LRCH1: variants seen among roughly 807,000 people sequenced by gnomAD.
LRCH1 encodes the protein leucine-rich repeat and calponin homology domain-containing protein 1.
LRCH1 carries 23 observed loss-of-function variants against 94.9 expected under a neutral mutation model. That is an observed-to-expected ratio of 0.24 (90% CI 0.17 to 0.34). The LOEUF (loss-of-function observed/expected upper bound fraction) is 0.34. LRCH1 is among the 10% of genes least tolerant of loss of function. The pLI is 1.00. For missense variants in LRCH1, 790 were observed against 945.9 expected (o/e 0.84, Z 2.16); for synonymous variants, 364 against 354.9 (o/e 1.03, Z -0.29).
At chr13:46,672,742 G>T (rs561557775) in intron 3 of LRCH1, among the ~76,000 whole-genome samples, 1 of 152,324 alleles carries the variant, frequency 6.6e-6, no homozygotes, top group South Asian at 2.1e-4. Flanking sequence ...TCTTCACCTG[G>T]TTCTTGTGTC....
chr13:46,687,869 A>G lies in LRCH1; in HGVS notation c.840A>G (p.Lys280=). 1 of 1,611,776 alleles carries G rather than the reference A, an allele frequency of 6.2e-7. No individual in the cohort carries two copies. The highest frequency in any genetic ancestry group is 8.5e-7 in the Non-Finnish European group (1 of 1,178,958). Residue 280 remains lysine, a synonymous_variant, in exon 6 of 20, where the codon AAA becomes AAG. Coordinates refer to ENST00000389797, the MANE Select transcript of LRCH1 (RefSeq NM_001164211.2). ...SPPAQICTKG[K]VHIFKYLSIQ... Reference sequence around the variant, plus strand: ...CTTTGTAGATTTGCACAAAGGGCAAAGTTCACATATTTAAGTATCTGAGCA... The same window carrying G: ...CTTTGTAGATTTGCACAAAGGGCAAGGTTCACATATTTAAGTATCTGAGCA...
At chr13:46,582,031 T>G (rs1458462839) in intron 1 of LRCH1, among the ~76,000 whole-genome samples, 1 of 151,512 alleles carries the variant, frequency 6.6e-6, no homozygotes, top group South Asian at 2.1e-4. Flanking sequence ...GTGCCTGTAG[T>G]CCCAGCTACT....
At chr13:46,698,394 T>G (rs576728388) in intron 9 of LRCH1, among the ~76,000 whole-genome samples, 23 of 152,352 alleles carry the variant, frequency 1.5e-4, no homozygotes, top group African/African-American at 5.5e-4. Context: ...TGTGGAAGGC[T>G]CATGGTGGTA....
chr13:46,710,962 A>T (rs545254110), intron 13 of LRCH1, among the ~76,000 whole-genome samples: 19 of 151,728 alleles, frequency 1.3e-4, no homozygotes, highest in African/African-American at 4.3e-4. Context: ...ACTGTCCCTC[A>T]ATTTCTTCAC....
chr13:46,718,019 G>A (rs1288958920), intron 16 of LRCH1, among the ~76,000 whole-genome samples: 2 of 152,170 alleles, frequency 1.3e-5, no homozygotes, highest in Non-Finnish European at 2.9e-5. Flanking sequence ...CCCTGGAGCT[G>A]GATGGGACAG....
intron 2 of LRCH1, among the ~76,000 whole-genome samples, chr13:46,668,717 A>C: frequency 1.8e-5 from 1 of 57,092 alleles, no homozygotes; most frequent in Non-Finnish European, 3.4e-5. Context: ...TCAGCTTCTA[A>C]GTGGCGGTGG....
At chr13:46,567,492 T>TGTGTGTGTGTG (rs2050196708) in intron 1 of LRCH1, among the ~76,000 whole-genome samples, 1 of 141,866 alleles carries the variant, frequency 7.0e-6, no homozygotes, top group African/African-American at 2.7e-5. Context: ...TAAGGCAATT[T>TGTGTGTGTGTG]TGTGTGTGTG....
exon 19 of LRCH1, chr13:46,751,208 G>A (rs1353502069): frequency 2.0e-5 from 3 of 152,002 alleles, no homozygotes; most frequent in African/African-American, 7.2e-5. Context: ...TTTTATTACT[G>A]CTTTTTTGTG....
rs35848521 is a variant in LRCH1, at chr13:46,567,492, TTG to T, written c.307+13823_307+13824del. ...TCTCTGCATGCAATTTAAGGCAATT[TTG>T]TGTGTGTGTGTGTGTGTGTGTGTGT... On this transcript the variant is annotated intron_variant, in intron 1 of 19. Transcript: ENST00000389797. Among the ~76,000 whole-genome samples, 759 of 141,290 alleles carry T rather than the reference TTG, an allele frequency of 5.4e-3. 5 individuals carry two copies. Among genetic ancestry groups the T allele is most frequent in the South Asian group, 0.037 (164 of 4,442 alleles). The allele number at this position is 141,290 out of a possible 152,430, so 92.7% of individuals were successfully genotyped here.
chr13:46,712,824 G>T lies in LRCH1; in HGVS notation c.1654+227G>T, dbSNP rs58476865. Among the ~76,000 whole-genome samples, 548 of 152,218 alleles carry T rather than the reference G, an allele frequency of 3.6e-3. 4 individuals carry two copies. The highest frequency in any genetic ancestry group is 0.011 in the African/African-American group (437 of 41,552). On this transcript the variant is annotated intron_variant, in intron 15 of 19. Coordinates refer to ENST00000389797, the MANE Select transcript of LRCH1 (RefSeq NM_001164211.2). ...CTATCTTCGTTTGAATCCGAGCAAA[G>T]AAAAAACAGGTGGTGGGAGCATGTA...
intron 11 of LRCH1, among the ~76,000 whole-genome samples, chr13:46,701,595 A>G (rs978887513): frequency 1.5e-4 from 23 of 152,244 alleles, no homozygotes; most frequent in African/African-American, 4.6e-4. Context: ...TTGGTATATC[A>G]AGTAGTACTG....
intron 1 of LRCH1, among the ~76,000 whole-genome samples, chr13:46,626,467 T>G (rs1331177723): frequency 6.6e-6 from 1 of 152,222 alleles, no homozygotes; most frequent in Non-Finnish European, 1.5e-5. Context: ...CCCCCACCCT[T>G]AAGAAGGTAC....
At chr13:46,624,412 A>G (rs528403626) in intron 1 of LRCH1, among the ~76,000 whole-genome samples, 1 of 152,296 alleles carries the variant, frequency 6.6e-6, no homozygotes, top group East Asian at 1.9e-4. Flanking sequence ...GAATGGCAGC[A>G]CTTTGGCAGT....
At chr13:46,696,610 A>T (rs1216295149) in intron 9 of LRCH1, among the ~76,000 whole-genome samples, 3 of 152,204 alleles carry the variant, frequency 2.0e-5, no homozygotes, top group African/African-American at 7.2e-5. Flanking sequence ...AGGAGCAGAT[A>T]GGCGTGTGGA....
intron 1 of LRCH1, among the ~76,000 whole-genome samples, chr13:46,563,058 A>T (rs1426939389): frequency 6.6e-6 from 1 of 152,172 alleles, no homozygotes; most frequent in Non-Finnish European, 1.5e-5. Context: ...TCGATAAGCA[A>T]TGTTACATCT....
intron 1 of LRCH1, among the ~76,000 whole-genome samples, chr13:46,628,661 A>G (rs971315081): frequency 5.4e-5 from 5 of 91,876 alleles, no homozygotes; most frequent in South Asian, 3.0e-4. Flanking sequence ...TGTCTCAGGG[A>G]AGAAAAAAAA....
At chr13:46,732,691 G>T (rs932891546) in intron 18 of LRCH1, among the ~76,000 whole-genome samples, 1 of 152,150 alleles carries the variant, frequency 6.6e-6, no homozygotes. Flanking sequence ...AAACGCTAGG[G>T]TCTTGGCGTG....
At chr13:46,608,828 G>A (rs1054273436) in intron 1 of LRCH1, among the ~76,000 whole-genome samples, 5 of 152,146 alleles carry the variant, frequency 3.3e-5, no homozygotes, top group Admixed American at 1.3e-4. Flanking sequence ...AACTCCATAA[G>A]TTACTTTACA....
In LRCH1 at chr13:46,683,293, T is replaced by C. The variant is rs182900030; in HGVS notation, c.685+1447T>C. ...ACTTTGCAAAAGGTAATGTGCTTTA[T>C]AGATGGGAGGTTCAAGTCCGCTTGC... On this transcript the variant is annotated intron_variant, in intron 4 of 19. Coordinates refer to ENST00000389797, the MANE Select transcript of LRCH1 (RefSeq NM_001164211.2). 2.8e-3 allele frequency among the ~76,000 whole-genome samples: 428 copies of C among 152,352 alleles called. 4 individuals are homozygous for C. Among genetic ancestry groups the C allele is most frequent in the African/African-American group, 0.01 (424 of 41,574 alleles).
Sources: allele counts gnomAD v4.1 joint callset (sites outside exome capture counted in the v4.1 genomes callset), GRCh38; gene constraint gnomAD v4.1.1; transcripts MANE v1.5; gene names NCBI Gene and HGNC (gene_info 2026-07-23, HGNC 2026-07-21).